Variants in RTN1 observed in about 807,000 individuals in gnomAD.
RTN1 encodes reticulon-1.
A neutral mutation model predicts 65.5 loss-of-function variants in RTN1; 25 were observed. That is an observed-to-expected ratio of 0.38 (90% CI 0.28 to 0.53). The LOEUF (loss-of-function observed/expected upper bound fraction) is 0.53. Ranked by LOEUF, RTN1 falls within the 20% of genes least tolerant of loss-of-function variation. RTN1 has a pLI of 0.79. For missense variants in RTN1, 983 were observed against 1,025.4 expected, an observed-to-expected ratio of 0.96 and a Z score of 0.57; for synonymous variants, 471 against 447.6, an observed-to-expected ratio of 1.05 and a Z score of -0.66.
chr14:59,710,216 T>C (rs1238592471), intron 3 of RTN1, among the ~76,000 whole-genome samples: 1 of 150,832 alleles, frequency 6.6e-6, no homozygotes, highest in Non-Finnish European at 1.5e-5. Flanking sequence ...CCAATTTTTG[T>C]ATCTTTTTTT....
At chr14:59,840,044 T>A (rs149221351) in intron 1 of RTN1, among the ~76,000 whole-genome samples, 9 of 152,272 alleles carry the variant, frequency 5.9e-5, no homozygotes, top group Non-Finnish European at 1.0e-4. Context: ...ACTTTCTTAC[T>A]CTTCCACTTC....
At position 59,607,357 on chromosome 14, in the gene RTN1, G is replaced by A; in HGVS notation, c.1901C>T (p.Ala634Val). 2 of 1,613,750 alleles carry A rather than the reference G, an allele frequency of 1.2e-6. No homozygotes were observed. The highest frequency in any genetic ancestry group is 1.7e-6 in the Non-Finnish European group (2 of 1,179,930). The part of the protein sequence containing the change: ...VAYLALAALS[A>V]TISFRIYKSV... Reference sequence around the variant, plus strand: ...CTTGTAGATGCGGAAACTGATGGTGGCTGAGAGTGCGGCCAGGGCCAGGTA... The same window carrying A: ...CTTGTAGATGCGGAAACTGATGGTGACTGAGAGTGCGGCCAGGGCCAGGTA... The change falls in exon 4 of 9, where the codon GCC becomes GTC. Residue 634 changes from alanine to valine, a missense_variant. This residue lies in a region of RTN1 where 165 missense variants were observed against 223.6 expected (regional missense o/e 0.74). Transcript: ENST00000267484.
intron 3 of RTN1, chr14:59,630,940 C>T (rs1303983632): frequency 9.2e-6 from 6 of 649,594 alleles, no homozygotes; most frequent in Non-Finnish European, 1.1e-5. Flanking sequence ...CCAGAATATG[C>T]GAGGTGCATA....
chr14:59,660,566 G>C (rs1883222252), intron 3 of RTN1, among the ~76,000 whole-genome samples: 1 of 152,088 alleles, frequency 6.6e-6, no homozygotes, highest in Non-Finnish European at 1.5e-5. Flanking sequence ...CAATCAATTA[G>C]AACTCAGGAT....
At chr14:59,610,028 G>A in intron 3 of RTN1, 2 of 716,338 alleles carry the variant, frequency 2.8e-6, no homozygotes, top group Admixed American at 2.0e-5. Flanking sequence ...GAGACGTGAA[G>A]GGGCTCAGAA....
intron 3 of RTN1, among the ~76,000 whole-genome samples, chr14:59,699,836 C>G (rs915577218): frequency 6.6e-6 from 1 of 152,170 alleles, no homozygotes; most frequent in African/African-American, 2.4e-5. Context: ...TATCTCTCAA[C>G]ATCAAGTATA....
intron 1 of RTN1, among the ~76,000 whole-genome samples, chr14:59,854,812 T>C (rs565093494): frequency 1.3e-5 from 2 of 152,334 alleles, no homozygotes; most frequent in Non-Finnish European, 2.9e-5. Flanking sequence ...AATCTCTCTC[T>C]ATCTCAGTTT....
At chr14:59,858,560 C>T (rs1887651041) in intron 1 of RTN1, among the ~76,000 whole-genome samples, 1 of 150,320 alleles carries the variant, frequency 6.7e-6, no homozygotes. Flanking sequence ...AACAAATTTT[C>T]CAAACTCAGA....
chr14:59,749,147 T>TA (rs1885302066), intron 1 of RTN1, among the ~76,000 whole-genome samples: 1 of 113,134 alleles, frequency 8.8e-6, no homozygotes, highest in African/African-American at 4.2e-5. Flanking sequence ...TCTATCTATC[T>TA]ATCTATCTAT....
chr14:59,806,828 T>C (rs139070172), intron 1 of RTN1, among the ~76,000 whole-genome samples: 2,340 of 152,332 alleles, frequency 0.015, 26 homozygotes, highest in Middle Eastern at 0.034. Flanking sequence ...TAGTATTCCA[T>C]GGTGTATATG....
At position 59,769,597 on chromosome 14, in the gene RTN1, T is replaced by C. The variant is rs144703502; in HGVS notation, c.242-23116A>G. Among the ~76,000 whole-genome samples the C allele has an allele frequency of 6.9e-3, 1,049 of 152,348 alleles. 3 individuals carry two copies. The highest frequency in any genetic ancestry group is 0.011 in the Non-Finnish European group (765 of 68,026). On this transcript the variant is annotated intron_variant, in intron 1 of 8. Transcript: ENST00000267484. ...AAAGTAGAAAACTGAAATAGTCTTATAAGACCTGCCATGCAGATTTTGTTT... is the reference window on the plus strand; with the variant it reads ...AAAGTAGAAAACTGAAATAGTCTTACAAGACCTGCCATGCAGATTTTGTTT...
At chr14:59,783,348 G>A (rs945400282) in intron 1 of RTN1, among the ~76,000 whole-genome samples, 1 of 152,152 alleles carries the variant, frequency 6.6e-6, no homozygotes, top group Non-Finnish European at 1.5e-5. Flanking sequence ...TATACCTTAT[G>A]AGAAAAGCAG....
chr14:59,823,172 A>G (rs149941469), intron 1 of RTN1, among the ~76,000 whole-genome samples: 304 of 152,294 alleles, frequency 2.0e-3, no homozygotes, highest in African/African-American at 7.0e-3. Context: ...AACCTGTCTT[A>G]TGAATCTAGA....
At chr14:59,608,311 G>A (rs926409506) in intron 3 of RTN1, among the ~76,000 whole-genome samples, 2 of 152,212 alleles carry the variant, frequency 1.3e-5, no homozygotes, top group Non-Finnish European at 2.9e-5. Context: ...AATGTAAGTG[G>A]TAGTGGTTTG....
At chr14:59,659,523 C>T (rs994066153) in intron 3 of RTN1, among the ~76,000 whole-genome samples, 1 of 152,198 alleles carries the variant, frequency 6.6e-6, no homozygotes, top group African/African-American at 2.4e-5. Flanking sequence ...GGAAGCCCAT[C>T]AGACTAGCAG....
intron 3 of RTN1, chr14:59,630,839 AG>A: frequency 1.0e-6 from 1 of 1,003,450 alleles, no homozygotes; most frequent in Non-Finnish European, 1.2e-6. Context: ...TGACGCGGAC[AG>A]TGGGTGGGAG....
intron 1 of RTN1, among the ~76,000 whole-genome samples, chr14:59,757,295 G>A (rs1468812792): frequency 6.6e-6 from 1 of 152,160 alleles, no homozygotes; most frequent in African/African-American, 2.4e-5. Flanking sequence ...ATATTTGGGA[G>A]GGATCTGGTA....
chr14:59,730,450 T>C (rs1884875070), intron 2 of RTN1, among the ~76,000 whole-genome samples: 1 of 152,222 alleles, frequency 6.6e-6, no homozygotes, highest in South Asian at 2.1e-4. Context: ...TAAATCTTCA[T>C]GACCTTGGAT....
At chr14:59,706,404 A>G (rs1222458598) in intron 3 of RTN1, among the ~76,000 whole-genome samples, 1 of 151,750 alleles carries the variant, frequency 6.6e-6, no homozygotes, top group Non-Finnish European at 1.5e-5. Context: ...TTTGAGTTTC[A>G]TATTTTGTGT....
Sources: allele counts gnomAD v4.1 joint callset (sites outside exome capture counted in the v4.1 genomes callset), GRCh38; gene constraint gnomAD v4.1.1; regional missense constraint gnomAD v4.1.1; transcripts MANE v1.5; gene names NCBI Gene and HGNC (gene_info 2026-07-23, HGNC 2026-07-21).